The following CEP112 variants were observed in gnomAD, a reference collection of about 807,000 sequenced individuals.
The protein encoded by CEP112 is centrosomal protein 112.
A neutral mutation model predicts 153.0 loss-of-function variants in CEP112; 127 were observed. That is an observed-to-expected ratio of 0.83 (90% CI 0.72 to 0.96). CEP112 has a LOEUF of 0.96. Ranked by LOEUF, CEP112 falls within the 40% of genes least tolerant of loss-of-function variation. The pLI is 0.00. For missense variants in CEP112, 1,089 were observed against 1,101.2 expected (o/e 0.99, Z 0.16); for synonymous variants, 358 against 374.4 (o/e 0.96, Z 0.51).
At chr17:65,882,082 G>A (rs966390814) in intron 20 of CEP112, among the ~76,000 whole-genome samples, 1 of 152,190 alleles carries the variant, frequency 6.6e-6, no homozygotes, top group East Asian at 1.9e-4. Flanking sequence ...AACATTAAAG[G>A]AGTAATAAAG....
Position 65,840,447 on chromosome 17 carries a change from C to T in CEP112, c.2394+11357G>A, listed in dbSNP as rs192584957. 1.7e-4 allele frequency among the ~76,000 whole-genome samples: 26 copies of T among 152,056 alleles called. No individual in the cohort carries two copies. The East Asian group carries it at 4.8e-3, about 28-fold the overall frequency. ...AAACAGTACTGGCAAAACTGGATAC[C>T]CATATTTAGAAGAATGAAACCAGGA... On this transcript the variant is annotated intron_variant, in intron 21 of 26. Transcript: ENST00000535342.
intron 17 of CEP112, among the ~76,000 whole-genome samples, chr17:65,997,735 A>T (rs1341133354): frequency 6.6e-6 from 1 of 151,892 alleles, no homozygotes; most frequent in Non-Finnish European, 1.5e-5. Flanking sequence ...GTATGTTTTT[A>T]TATAAATATA....
intron 23 of CEP112, among the ~76,000 whole-genome samples, chr17:65,694,042 A>G (rs567309893): frequency 6.6e-5 from 10 of 152,288 alleles, no homozygotes; most frequent in Non-Finnish European, 8.8e-5. Flanking sequence ...AACCTGTCCA[A>G]GGGATATTGT....
chr17:66,023,905 T>C (rs985307279), intron 16 of CEP112, among the ~76,000 whole-genome samples: 23 of 152,108 alleles, frequency 1.5e-4, no homozygotes, highest in African/African-American at 5.3e-4. Flanking sequence ...TGAACATATA[T>C]GCAAAAATCC....
At chr17:66,046,073 C>T (rs1246364139) in intron 12 of CEP112, among the ~76,000 whole-genome samples, 2 of 151,386 alleles carry the variant, frequency 1.3e-5, no homozygotes, top group Non-Finnish European at 2.9e-5. Flanking sequence ...GAGAGAGTCT[C>T]GCTCTGTCGC....
intron 6 of CEP112, among the ~76,000 whole-genome samples, chr17:66,109,170 C>G (rs1378584906): frequency 4.0e-5 from 6 of 151,864 alleles, no homozygotes; most frequent in Non-Finnish European, 8.8e-5. Context: ...ACAAAAATAT[C>G]GTTAGAGAGA....
intron 20 of CEP112, among the ~76,000 whole-genome samples, chr17:65,895,564 C>T (rs1488752224): frequency 1.3e-5 from 2 of 152,030 alleles, no homozygotes; most frequent in Admixed American, 1.3e-4. Context: ...TCTCTCTCTC[C>T]CACACCAGGC....
At chr17:65,808,229 CT>C (rs942615640) in intron 21 of CEP112, among the ~76,000 whole-genome samples, 3 of 152,188 alleles carry the variant, frequency 2.0e-5, no homozygotes, top group Non-Finnish European at 4.4e-5. Context: ...CAATTTCTCC[CT>C]TTTGGAATGG....
intron 20 of CEP112, among the ~76,000 whole-genome samples, chr17:65,884,993 G>A (rs2059225330): frequency 6.6e-6 from 1 of 152,028 alleles, no homozygotes; most frequent in African/African-American, 2.4e-5. Context: ...TGGGATTACA[G>A]GTGTGAGCCA....
chr17:65,881,021 C>T, intron 20 of CEP112, among the ~76,000 whole-genome samples: 1 of 152,122 alleles, frequency 6.6e-6, no homozygotes, highest in Non-Finnish European at 1.5e-5. Flanking sequence ...TCCAGACCAT[C>T]CTGGCTGACG....
chr17:65,702,130 C>A (rs953652354), intron 23 of CEP112, among the ~76,000 whole-genome samples: 1 of 152,054 alleles, frequency 6.6e-6, no homozygotes, highest in Non-Finnish European at 1.5e-5. Context: ...CCCGCCTCGG[C>A]CTCCCAAAAT....
In CEP112 at chr17:66,122,894, G is replaced by A. The variant is rs540274181; in HGVS notation, c.642+6852C>T. 4.1e-4 allele frequency among the ~76,000 whole-genome samples: 62 copies of A among 152,228 alleles called. 1 individual carries two copies. The South Asian group carries it at 0.013, about 31-fold the overall frequency. ...TTAGCTTACTGCTGTTAATTAGTAG[G>A]AACTACCAGTCTCCTCTTTAAAAAT... On this transcript the variant is annotated intron_variant, in intron 6 of 26. Transcript: ENST00000535342.
At chr17:65,777,623 G>C (rs1160237765) in intron 21 of CEP112, among the ~76,000 whole-genome samples, 1 of 152,128 alleles carries the variant, frequency 6.6e-6, no homozygotes, top group African/African-American at 2.4e-5. Flanking sequence ...GTGTCTAGTG[G>C]TTGAAGTTCT....
chr17:65,809,578 T>C (rs1183962846), intron 21 of CEP112, among the ~76,000 whole-genome samples: 1 of 152,278 alleles, frequency 6.6e-6, no homozygotes, highest in Admixed American at 6.5e-5. Flanking sequence ...GTAGGAAGAA[T>C]GTAGGCGTGA....
intron 18 of CEP112, among the ~76,000 whole-genome samples, chr17:65,935,023 G>A (rs1200113523): frequency 3.3e-5 from 5 of 152,130 alleles, no homozygotes; most frequent in Admixed American, 6.5e-5. Context: ...ACTGCATGGG[G>A]GAAACCACCT....
chr17:66,179,327 A>T (rs985145362), intron 2 of CEP112, among the ~76,000 whole-genome samples: 2 of 152,140 alleles, frequency 1.3e-5, no homozygotes, highest in Non-Finnish European at 2.9e-5. Context: ...ATCCATGAAC[A>T]TAGGGTATCT....
chr17:65,650,330 T>G (rs922842743), intron 24 of CEP112, among the ~76,000 whole-genome samples: 3 of 152,120 alleles, frequency 2.0e-5, no homozygotes, highest in Non-Finnish European at 4.4e-5. Flanking sequence ...GACTCCCCTT[T>G]AGACAAGCCA....
chr17:65,728,418 G>A (rs930896621), intron 23 of CEP112, among the ~76,000 whole-genome samples: 2 of 152,184 alleles, frequency 1.3e-5, no homozygotes, highest in Non-Finnish European at 2.9e-5. Flanking sequence ...TAGCTAGGAA[G>A]GGTTGCAAGA....
chr17:65,645,747 T>C (rs1305821734), intron 24 of CEP112, among the ~76,000 whole-genome samples: 3 of 152,242 alleles, frequency 2.0e-5, no homozygotes, highest in Non-Finnish European at 4.4e-5. Context: ...CCATTTGATA[T>C]ACAGAACAGT....
Sources: allele counts gnomAD v4.1 joint callset (sites outside exome capture counted in the v4.1 genomes callset), GRCh38; gene constraint gnomAD v4.1.1; transcripts MANE v1.5; gene names NCBI Gene and HGNC (gene_info 2026-07-23, HGNC 2026-07-21).